Variants in IL20RA observed in about 807,000 individuals in gnomAD.
IL20RA encodes interleukin-20 receptor subunit alpha.
A neutral mutation model predicts 36.5 loss-of-function variants in IL20RA; 29 were observed. That is an observed-to-expected ratio of 0.79 (90% CI 0.59 to 1.08). The LOEUF (loss-of-function observed/expected upper bound fraction) is 1.08. Ranked by LOEUF, IL20RA falls within the 50% of genes least tolerant of loss-of-function variation. IL20RA has a pLI of 0.00. For missense variants in IL20RA, 652 were observed against 668.4 expected, an observed-to-expected ratio of 0.98 and a Z score of 0.27; for synonymous variants, 279 against 267.1, an observed-to-expected ratio of 1.04 and a Z score of -0.43.
chr6:137,019,938 C>T (rs1582828391), intron 1 of IL20RA, among the ~76,000 whole-genome samples: 2 of 152,198 alleles, frequency 1.3e-5, no homozygotes, highest in East Asian at 3.8e-4. Flanking sequence ...CCAATAATCC[C>T]TTCCTCTTGG....
Position 137,009,503 on chromosome 6 carries a change from G to A in IL20RA, c.404-11C>T, listed in dbSNP as rs1318602180. ...GTGGGCCAATTTGTGCTTAAAGGGG[G>A]AGAAAGAGGGTATTATCATGTTCAG... is the stretch of plus-strand genomic sequence containing the variant. On this transcript the variant is annotated splice_polypyrimidine_tract_variant and intron_variant, in intron 3 of 6. Transcript: ENST00000316649. The A allele has an allele frequency of 6.4e-7, 1 of 1,562,726 alleles. No individual in the cohort carries two copies. Among genetic ancestry groups the A allele is most frequent in the Non-Finnish European group, 8.8e-7 (1 of 1,133,724 alleles).
Position 137,007,529 on chromosome 6 carries a change from GC to G in IL20RA, c.724+1069del, listed in dbSNP as rs1327886329. ...GAAGCGGAGGAATAATGGATGAAGA[GC>G]CCTTCGATGCAGGCAAACTTTAGGA... On this transcript the variant is annotated intron_variant, in intron 5 of 6. Coordinates refer to ENST00000316649, the MANE Select transcript of IL20RA (RefSeq NM_014432.4). 2.0e-3 allele frequency among the ~76,000 whole-genome samples: 305 copies of G among 152,248 alleles called. 4 individuals are homozygous for G. The highest frequency in any genetic ancestry group is 7.2e-4 in the Non-Finnish European group (49 of 68,028).
At chr6:137,027,327 C>A (rs1776127689) in intron 1 of IL20RA, among the ~76,000 whole-genome samples, 1 of 152,250 alleles carries the variant, frequency 6.6e-6, no homozygotes, top group Non-Finnish European at 1.5e-5. Context: ...CTTCCCCTAA[C>A]CACCACCTCA....
At chr6:137,011,222 A>T in intron 3 of IL20RA, 52 bp downstream of exon 3, 1 of 1,448,366 alleles carries the variant, frequency 6.9e-7, no homozygotes, top group Admixed American at 1.9e-5. Context: ...AGACTGTTAA[A>T]CCTGATATGA....
Position 137,011,485 on chromosome 6 carries a change from T to C in IL20RA, c.225-33A>G, listed in dbSNP as rs1775497427. The C allele has an allele frequency of 3.4e-6, 5 of 1,489,596 alleles. No individual in the cohort carries two copies. The East Asian group carries it at 1.1e-4, about 34-fold the overall frequency. The allele number at this position is 1,489,596 out of a possible 1,614,324, so 92.3% of individuals were successfully genotyped here. A position where few individuals can be genotyped will look rare whatever the true frequency, so the allele number is the denominator to read the frequency against. Reference sequence around the variant, plus strand: ...GAAAGAAGCTGAATTAATAATGAGGTGCCCTCTATACTTTACAATAAAAAA... The same window carrying C: ...GAAAGAAGCTGAATTAATAATGAGGCGCCCTCTATACTTTACAATAAAAAA... On this transcript the variant is annotated intron_variant, in intron 2 of 6. Coordinates refer to ENST00000316649, the MANE Select transcript of IL20RA (RefSeq NM_014432.4).
chr6:137,037,557 A>G (rs1776532322), intron 1 of IL20RA, among the ~76,000 whole-genome samples: 1 of 152,202 alleles, frequency 6.6e-6, no homozygotes, highest in Non-Finnish European at 1.5e-5. Context: ...ATAAGAAAGG[A>G]GGGCTCCTTT....
At chr6:137,026,378 A>G (rs1714020995) in intron 1 of IL20RA, among the ~76,000 whole-genome samples, 2 of 152,218 alleles carry the variant, frequency 1.3e-5, no homozygotes, top group South Asian at 4.1e-4. Flanking sequence ...ATTGAAGTGG[A>G]ACAGCTTGAA....
At chr6:137,005,912 G>A (rs1775261673) in intron 5 of IL20RA, among the ~76,000 whole-genome samples, 1 of 152,080 alleles carries the variant, frequency 6.6e-6, no homozygotes. Context: ...ACGATCCTGT[G>A]AGCCAACGCC....
At chr6:137,026,957 C>T (rs778359020) in intron 1 of IL20RA, among the ~76,000 whole-genome samples, 1 of 152,048 alleles carries the variant, frequency 6.6e-6, no homozygotes, top group African/African-American at 2.4e-5. Flanking sequence ...TCTTGGCTCA[C>T]TGCAACCTCC....
chr6:137,009,046 T>C (rs1775377158), intron 4 of IL20RA: 2 of 576,284 alleles, frequency 3.5e-6, no homozygotes, highest in Non-Finnish European at 3.1e-6. Flanking sequence ...AGAAAGACTG[T>C]GCAAGTGAAA....
intron 5 of IL20RA, among the ~76,000 whole-genome samples, chr6:137,008,201 G>A (rs1775341514): frequency 6.6e-6 from 1 of 152,188 alleles, no homozygotes; most frequent in African/African-American, 2.4e-5. Context: ...CTGGGCTCAA[G>A]CCATCCTCCC....
rs138416310 is a variant in IL20RA, at chr6:137,036,243, C to T, written c.88+8398G>A. Among the ~76,000 whole-genome samples the T allele has an allele frequency of 2.8e-3, 434 of 152,302 alleles. 3 individuals are homozygous for T. Among genetic ancestry groups the T allele is most frequent in the African/African-American group, 9.5e-3 (397 of 41,572 alleles). On this transcript the variant is annotated intron_variant, in intron 1 of 6. Transcript: ENST00000316649. The stretch of plus-strand genomic sequence containing the variant: ...GAACCACTGCATGTGGCTGAGAAAA[C>T]ATTCTTTTCCACCATAGATGCCAAG...
intron 5 of IL20RA, among the ~76,000 whole-genome samples, chr6:137,007,203 G>A (rs1052955302): frequency 6.6e-6 from 1 of 152,136 alleles, no homozygotes. Flanking sequence ...ATACAAATGC[G>A]ATTTCTTCAA....
Position 137,008,757 on chromosome 6 carries a change from T to C in IL20RA, c.580-14A>G, listed in dbSNP as rs1326322325. The C allele has an allele frequency of 5.1e-6, 8 of 1,564,026 alleles. No individual in the cohort carries two copies. Among genetic ancestry groups the C allele is most frequent in the Non-Finnish European group, 5.2e-6 (6 of 1,155,190 alleles). On this transcript the variant is annotated splice_polypyrimidine_tract_variant and intron_variant, in intron 4 of 6. Transcript: ENST00000316649. ...ACACTGGGACCACTAGGATAGGGAA[T>C]TGCAAACATTGGTTAGAGCCAGACA...
chr6:137,012,476 A>C (rs1775534046), intron 2 of IL20RA, among the ~76,000 whole-genome samples: 2 of 152,146 alleles, frequency 1.3e-5, no homozygotes, highest in Admixed American at 1.3e-4. Flanking sequence ...GGGGAAGATA[A>C]GATGTTCACT....
At chr6:137,006,732 T>C (rs1028832734) in intron 5 of IL20RA, among the ~76,000 whole-genome samples, 1 of 151,944 alleles carries the variant, frequency 6.6e-6, no homozygotes, top group South Asian at 2.1e-4. Context: ...CTTTCTTTTT[T>C]TTTTTTTTGA....
At chr6:137,040,513 G>A (rs7775502) in intron 1 of IL20RA, among the ~76,000 whole-genome samples, 2,702 of 152,002 alleles carry the variant, frequency 0.018, 19 homozygotes, top group Middle Eastern at 0.041. Context: ...AGTCTGGAAT[G>A]TTGTTGGCAC....
chr6:137,021,473 T>C (rs1208803429), intron 1 of IL20RA, among the ~76,000 whole-genome samples: 1 of 147,226 alleles, frequency 6.8e-6, no homozygotes, highest in Non-Finnish European at 1.5e-5. Flanking sequence ...GAGACCAGCC[T>C]GGGCAACATG....
intron 1 of IL20RA, among the ~76,000 whole-genome samples, chr6:137,017,943 A>C (rs1210456663): frequency 6.6e-6 from 1 of 151,504 alleles, no homozygotes; most frequent in Non-Finnish European, 1.5e-5. Flanking sequence ...CCTTGGATTA[A>C]AGTAAATGAA....
Sources: gnomAD v4.1 joint callset for allele counts (sites outside exome capture counted in the v4.1 genomes callset) on GRCh38, gnomAD v4.1.1 for gene constraint, MANE v1.5 for transcripts, NCBI Gene and HGNC (gene_info 2026-07-23, HGNC 2026-07-21) for gene names.